Variants in ARHGEF12 observed in about 807,000 individuals in gnomAD.
ARHGEF12 encodes the protein Rho guanine nucleotide exchange factor 12.
In ARHGEF12, 66 loss-of-function variants were observed where a neutral mutation model predicts 211.2. The observed-to-expected ratio is 0.31, with a 90% confidence interval of 0.26 to 0.38. The LOEUF (loss-of-function observed/expected upper bound fraction) is 0.38. ARHGEF12 is among the 10% of genes least tolerant of loss of function. The probability of loss-of-function intolerance (pLI) is 1.00; values close to 1 mark genes in which losing one functional copy is unlikely to be tolerated. For missense variants in ARHGEF12, 1,429 were observed against 1,869.5 expected (o/e 0.76, Z 4.34); for synonymous variants, 592 against 638.4 (o/e 0.93, Z 1.09).
chr11:120,381,936 G>GA (rs1190399801), intron 1 of ARHGEF12, among the ~76,000 whole-genome samples: 1 of 152,078 alleles, frequency 6.6e-6, no homozygotes, highest in East Asian at 1.9e-4. Context: ...TAAAATACAT[G>GA]AAAAATCCAA....
In ARHGEF12 at chr11:120,442,132, A is replaced by G; in HGVS notation, c.1232A>G (p.Lys411Arg). Residue 411 changes from lysine (K) to arginine (R), a missense_variant, in exon 15 of 41, where the codon AAA becomes AGA. Coordinates refer to ENST00000397843, the MANE Select transcript of ARHGEF12 (RefSeq NM_015313.3). Reference protein sequence around the residue: ...LLCYLYSDLYKHTNSKETRRI... With the variant: ...LLCYLYSDLYRHTNSKETRRI... The stretch of plus-strand genomic sequence containing the variant: ...TGTTATCTCTATTCAGACCTGTATA[A>G]ACATACCAATTCCAAAGAAACTCGT... 1 of 1,610,292 alleles carries G rather than the reference A, an allele frequency of 6.2e-7. No homozygotes were observed. Among genetic ancestry groups the G allele is most frequent in the East Asian group, 2.2e-5 (1 of 44,802 alleles).
chr11:120,377,729 A>G (rs1480921177), intron 1 of ARHGEF12, among the ~76,000 whole-genome samples: 1 of 152,182 alleles, frequency 6.6e-6, no homozygotes, highest in Non-Finnish European at 1.5e-5. Flanking sequence ...TAATAGTATT[A>G]CATTGTGTGA....
rs903821735 is a variant in ARHGEF12, at chr11:120,481,315, G to A, written c.4293G>A (p.Glu1431=). 6.2e-7 allele frequency: 1 copy of A among 1,614,160 alleles called. No individual in the cohort carries two copies. ...YDPVQESSTD[E]EVASSLTLQP... The stretch of plus-strand genomic sequence containing the variant: ...CAGTGCAGGAGAGTTCCACAGATGA[G>A]GAGGTTGCTTCCTCACTTACCCTGC... Residue 1431 remains glutamate (E), a synonymous_variant, in exon 39 of 41, where the codon GAG becomes GAA. Coordinates refer to ENST00000397843, the MANE Select transcript of ARHGEF12 (RefSeq NM_015313.3).
chr11:120,446,639 A>T, intron 17 of ARHGEF12, 131 bp downstream of exon 17: 1 of 739,286 alleles, frequency 1.4e-6, no homozygotes. Flanking sequence ...TTAAAACATA[A>T]TGAACATCTG....
chr11:120,372,162 A>G (rs1381421335), intron 1 of ARHGEF12, among the ~76,000 whole-genome samples: 1 of 152,236 alleles, frequency 6.6e-6, no homozygotes, highest in Non-Finnish European at 1.5e-5. Context: ...AGGGAACATT[A>G]GATAAAGTAA....
chr11:120,481,406 C>T lies in ARHGEF12; in HGVS notation c.4384C>T (p.His1462Tyr). 1 of 1,614,190 alleles carries T rather than the reference C, an allele frequency of 6.2e-7. No homozygotes were observed. Among genetic ancestry groups the T allele is most frequent in the Non-Finnish European group, 8.5e-7 (1 of 1,180,030 alleles). Residue 1462 changes from histidine to tyrosine, a missense_variant, in exon 39 of 41, where the codon CAC becomes TAC. His to Tyr is a moderately conservative substitution (Grantham distance 83). Transcript: ENST00000397843. ...HQQQHSPQNT[H>Y]SDGAISPFTP... ...GCAGCAACATTCTCCTCAGAATACT[C>T]ACTCCGATGGGGCAATTTCACCATT... is the stretch of plus-strand genomic sequence containing the variant.
At chr11:120,479,606 G>GAATAA (rs777882324) in intron 37 of ARHGEF12, among the ~76,000 whole-genome samples, 1 of 152,094 alleles carries the variant, frequency 6.6e-6, no homozygotes, top group South Asian at 2.1e-4. Context: ...TTCTTAAGAA[G>GAATAA]TACCTTTAGG....
intron 1 of ARHGEF12, among the ~76,000 whole-genome samples, chr11:120,383,323 A>G (rs146218742): frequency 2.0e-5 from 3 of 152,000 alleles, no homozygotes; most frequent in East Asian, 1.9e-4. Context: ...CAGTTTTTCA[A>G]TGGGACTGGG....
intron 26 of ARHGEF12, 29 bp downstream of exon 26, chr11:120,459,349 C>A: frequency 1.3e-6 from 2 of 1,593,532 alleles, no homozygotes. Context: ...GATCTTTGCC[C>A]CTAACATTTC....
intron 7 of ARHGEF12, among the ~76,000 whole-genome samples, chr11:120,426,030 A>T (rs1945336185): frequency 6.6e-6 from 1 of 152,146 alleles, no homozygotes; most frequent in African/African-American, 2.4e-5. Flanking sequence ...CAACTATGAA[A>T]TTTTTTAAAC....
At chr11:120,386,271 A>C (rs1213247284) in intron 1 of ARHGEF12, among the ~76,000 whole-genome samples, 2 of 152,156 alleles carry the variant, frequency 1.3e-5, no homozygotes, top group Non-Finnish European at 2.9e-5. Context: ...AAGTAATATA[A>C]AATGCTGAAG....
chr11:120,457,591 AAATT>A, intron 23 of ARHGEF12, 126 bp from the exon 24 acceptor site: 2 of 609,888 alleles, frequency 3.3e-6, no homozygotes, highest in Non-Finnish European at 5.2e-6. Context: ...ATTTTATATT[AAATT>A]ATTACAATAT....
chr11:120,406,616 T>G (rs1251982480), intron 2 of ARHGEF12, among the ~76,000 whole-genome samples: 2 of 152,220 alleles, frequency 1.3e-5, no homozygotes, highest in Non-Finnish European at 2.9e-5. Flanking sequence ...TGGAGTGCAG[T>G]GGCGCGATCT....
chr11:120,444,688 A>C (rs963032848), intron 15 of ARHGEF12, among the ~76,000 whole-genome samples: 8 of 152,214 alleles, frequency 5.3e-5, no homozygotes, highest in Non-Finnish European at 1.0e-4. Context: ...AGAGGTTAAG[A>C]TATTTTCTCT....
rs532548224 is a variant in ARHGEF12 at position 120,416,991 on chromosome 11, A to G, written c.200-3762A>G. Among the ~76,000 whole-genome samples, 8 of 152,324 alleles carry G rather than the reference A, an allele frequency of 5.3e-5. No individual in the cohort carries two copies. In the South Asian group the frequency reaches 1.7e-3, roughly 32 times the overall value. On this transcript the variant is annotated intron_variant, in intron 4 of 40. Coordinates refer to ENST00000397843, the MANE Select transcript of ARHGEF12 (RefSeq NM_015313.3). ...GTTTATTAACATAAAAGTACTTACA[A>G]TTGTACTAGTAGCATGGATAGAGGA... is the stretch of plus-strand genomic sequence containing the variant.
Position 120,442,160 on chromosome 11 carries a change from C to G in ARHGEF12, c.1260C>G (p.Arg420=), listed in dbSNP as rs1478678055. The G allele has an allele frequency of 1.2e-6, 2 of 1,610,860 alleles. No homozygotes were observed. The highest frequency in any genetic ancestry group is 4.5e-5 in the East Asian group (2 of 44,784). Residue 420 remains arginine, a synonymous_variant, in exon 15 of 41, where the codon CGC becomes CGG. Coordinates refer to ENST00000397843, the MANE Select transcript of ARHGEF12 (RefSeq NM_015313.3). ...ATACCAATTCCAAAGAAACTCGTCG[C>G]ATCTTCCTTGAGTTTCATCAGTTCT... The part of the protein sequence containing the change: ...YKHTNSKETR[R]IFLEFHQFFL...
chr11:120,441,578 GT>G, intron 13 of ARHGEF12, 128 bp from the exon 14 acceptor site: 1 of 650,032 alleles, frequency 1.5e-6, no homozygotes, highest in South Asian at 2.2e-5. Context: ...TTTTAGTGAA[GT>G]TTTTTAAATC....
At position 120,485,641 on chromosome 11, in the gene ARHGEF12, A is replaced by G. The variant is rs1018410902; in HGVS notation, c.*564A>G. On this transcript the variant is annotated 3_prime_UTR_variant, in exon 41 of 41. Transcript: ENST00000397843. The stretch of plus-strand genomic sequence containing the variant: ...GGAGGAGCACCTTGCTTCACTATAC[A>G]GTATTCCAAGCTCTCTGCTGTCCAG... 2 of 234,732 alleles carry G rather than the reference A, an allele frequency of 8.5e-6. No homozygotes were observed. Among genetic ancestry groups the G allele is most frequent in the African/African-American group, 4.4e-5 (2 of 45,370 alleles). The allele number at this position is 234,732 out of a possible 1,614,324, so 14.5% of individuals were successfully genotyped here.
At chr11:120,343,269 A>T (rs1263535932) in intron 1 of ARHGEF12, among the ~76,000 whole-genome samples, 5 of 152,120 alleles carry the variant, frequency 3.3e-5, no homozygotes, top group Non-Finnish European at 5.9e-5. Context: ...ATTGAGATAG[A>T]TGTCCTTGTT....
Sources: allele counts gnomAD v4.1 joint callset (sites outside exome capture counted in the v4.1 genomes callset), GRCh38; gene constraint gnomAD v4.1.1; transcripts MANE v1.5; gene names NCBI Gene and HGNC (gene_info 2026-07-23, HGNC 2026-07-21).